Variants in NIN observed in about 807,000 individuals in gnomAD.
NIN encodes glycogen synthase kinase 3 beta-interacting protein.
NIN carries 137 observed loss-of-function variants against 257.6 expected under a neutral mutation model. The ratio of observed to expected loss-of-function variants is 0.53; its 90% CI spans 0.46 to 0.61. The LOEUF is 0.61. Ranked by LOEUF, NIN falls within the 20% of genes least tolerant of loss-of-function variation. The pLI is 0.00. For missense variants in NIN, 2,439 were observed against 2,501.2 expected, an observed-to-expected ratio of 0.98 and a Z score of 0.53; for synonymous variants, 918 against 919.8, an observed-to-expected ratio of 1.00 and a Z score of 0.04.
At chr14:50,745,081 T>A (rs1033934815) in intron 22 of NIN, among the ~76,000 whole-genome samples, 3 of 152,180 alleles carry the variant, frequency 2.0e-5, no homozygotes, top group African/African-American at 7.2e-5. Context: ...ATGTTGTTGG[T>A]GCGAACATAC....
intron 18 of NIN, among the ~76,000 whole-genome samples, chr14:50,756,268 T>C (rs1203182776): frequency 6.6e-6 from 1 of 152,190 alleles, no homozygotes; most frequent in Non-Finnish European, 1.5e-5. Flanking sequence ...ATTGTGAACT[T>C]TCACACCCCA....
intron 29 of NIN, chr14:50,727,704 C>T (rs773092446): frequency 3.5e-6 from 5 of 1,438,440 alleles, no homozygotes; most frequent in Non-Finnish European, 4.7e-6. Flanking sequence ...GGTGCCCAAT[C>T]CTTCTGTAGG....
chr14:50,778,870 C>T, intron 5 of NIN, 66 bp from the exon 6 acceptor site: 1 of 1,525,046 alleles, frequency 6.6e-7, no homozygotes, highest in East Asian at 2.2e-5. Context: ...CCTAGCTTTT[C>T]CTAGAGCAGA....
At chr14:50,780,118 G>T (rs1015898471) in intron 5 of NIN, among the ~76,000 whole-genome samples, 4 of 152,234 alleles carry the variant, frequency 2.6e-5, no homozygotes, top group Non-Finnish European at 4.4e-5. Flanking sequence ...CTTTTGACCA[G>T]TTGCAACAAG....
chr14:50,744,153 C>T lies in NIN; in HGVS notation c.5187+90G>A, dbSNP rs1006690087. The T allele has an allele frequency of 4.3e-6, 6 of 1,407,268 alleles. No homozygotes were observed. In the African/African-American group the frequency reaches 8.6e-5, roughly 20 times the overall value. The allele number at this position is 1,407,268 out of a possible 1,614,324, so 87.2% of individuals were successfully genotyped here. A position where few individuals can be genotyped will look rare whatever the true frequency, so the allele number is the denominator to read the frequency against. On this transcript the variant is annotated intron_variant, in intron 23 of 30. Transcript: ENST00000530997. Reference sequence around the variant, plus strand: ...GACACTCTGGAACAACAGACTACCACAGGAGGCCCCTGTGCCACTGTCCAC... The same window carrying T: ...GACACTCTGGAACAACAGACTACCATAGGAGGCCCCTGTGCCACTGTCCAC...
At chr14:50,745,288 C>A (rs1250287270) in intron 22 of NIN, among the ~76,000 whole-genome samples, 1 of 152,130 alleles carries the variant, frequency 6.6e-6, no homozygotes, top group African/African-American at 2.4e-5. Context: ...TAACCCCCCA[C>A]CTTCCAGTTG....
intron 7 of NIN, among the ~76,000 whole-genome samples, 165 bp downstream of exon 7, chr14:50,776,784 C>T (rs1046719476): frequency 5.9e-5 from 9 of 152,168 alleles, no homozygotes; most frequent in East Asian, 3.8e-4. Context: ...TTTTTCACAA[C>T]ACAACAAGAG....
intron 5 of NIN, among the ~76,000 whole-genome samples, chr14:50,787,713 A>T (rs2043405744): frequency 6.6e-6 from 1 of 152,228 alleles, no homozygotes; most frequent in African/African-American, 2.4e-5. Context: ...TGAAATTGGA[A>T]GTCAAACACT....
In NIN at chr14:50,729,271, AT is replaced by A. The variant is rs1000051897; in HGVS notation, c.6078+251del. Among the ~76,000 whole-genome samples the A allele has an allele frequency of 5.4e-5, 8 of 148,542 alleles. 1 individual carries two copies. In the South Asian group the frequency reaches 1.3e-3, roughly 24 times the overall value. On this transcript the variant is annotated intron_variant, in intron 29 of 30. Transcript: ENST00000530997. ...TGTGATTTTGTTTTTTTTTTTTTTA[AT>A]TTAAGAGATGGAGTCTTGCTATGAT...
chr14:50,815,460 A>G (rs2142341677), intron 3 of NIN, among the ~76,000 whole-genome samples: 1 of 152,354 alleles, frequency 6.6e-6, no homozygotes, highest in South Asian at 2.1e-4. Flanking sequence ...AACTAGTTCA[A>G]CCATTGCGGA....
In NIN at chr14:50,771,436, A is replaced by G. The variant is rs1174206647; in HGVS notation, c.1014T>C (p.Asn338=). 2 of 1,614,190 alleles carry G rather than the reference A, an allele frequency of 1.2e-6. No individual in the cohort carries two copies. The highest frequency in any genetic ancestry group is 1.7e-6 in the Non-Finnish European group (2 of 1,180,026). ...ALDFSLDGNI[N]LTELTLALEN... is the part of the protein sequence containing the mutation. ...CAAGGGCCAGTGTTAATTCTGTCAA[A>G]TTGATGTTTCCATCGAGGCTGAAAT... Residue 338 remains asparagine (N), a synonymous_variant, in exon 10 of 31, where the codon AAT becomes AAC. Coordinates refer to ENST00000530997, the MANE Select transcript of NIN (RefSeq NM_020921.4).
At chr14:50,787,781 G>A (rs867292262) in intron 5 of NIN, among the ~76,000 whole-genome samples, 2 of 152,178 alleles carry the variant, frequency 1.3e-5, no homozygotes, top group South Asian at 2.1e-4. Flanking sequence ...ATTCTGCTTC[G>A]GGATTTCCAA....
Position 50,758,450 on chromosome 14 carries a change from A to T in NIN, c.2580T>A (p.Phe860Leu). The change falls in exon 18 of 31, where the codon TTT (phenylalanine) becomes TTA (leucine). Residue 860 changes from phenylalanine (F) to leucine (L), a missense_variant. Around this residue, in one of 3 missense-constraint regions of NIN, gnomAD observed 2,043 missense variants for 2,050.2 expected, o/e 1.00. Coordinates refer to ENST00000530997, the MANE Select transcript of NIN (RefSeq NM_020921.4). Reference sequence around the variant, plus strand: ...ACTCCTGGGTGAGCTCGTCCTTCTCAAATTCCCACTGGGATTTCTCCTCAC... The same window carrying T: ...ACTCCTGGGTGAGCTCGTCCTTCTCTAATTCCCACTGGGATTTCTCCTCAC... ...QQREEKSQWE[F>L]EKDELTQECA... 1 of 1,614,082 alleles carries T rather than the reference A, an allele frequency of 6.2e-7. No individual in the cohort carries two copies. Among genetic ancestry groups the T allele is most frequent in the Non-Finnish European group, 8.5e-7 (1 of 1,180,006 alleles).
chr14:50,754,320 T>C (rs1161151698), intron 20 of NIN, among the ~76,000 whole-genome samples: 1 of 152,212 alleles, frequency 6.6e-6, no homozygotes, highest in Non-Finnish European at 1.5e-5. Context: ...TCCTCAATTC[T>C]GCTGATGATA....
chr14:50,795,394 G>A (rs1460241082), intron 4 of NIN, among the ~76,000 whole-genome samples: 1 of 152,176 alleles, frequency 6.6e-6, no homozygotes, highest in Non-Finnish European at 1.5e-5. Flanking sequence ...GAACATTCAC[G>A]GTCAACAGCC....
In NIN at chr14:50,786,059, C is replaced by A. The variant is rs185359472; in HGVS notation, c.435+6653G>T. Among the ~76,000 whole-genome samples, 171 of 152,284 alleles carry A rather than the reference C, an allele frequency of 1.1e-3. 1 individual carries two copies. The highest frequency in any genetic ancestry group is 3.9e-3 in the African/African-American group (164 of 41,552). ...AAACGCACACACATTTAGATGAGAC[C>A]TGCTACACTGAAGGCTAAAAAAGCC... On this transcript the variant is annotated intron_variant, in intron 5 of 30. Coordinates refer to ENST00000530997, the MANE Select transcript of NIN (RefSeq NM_020921.4).
chr14:50,773,029 C>A lies in NIN; in HGVS notation c.733G>T (p.Gly245Cys). The change falls in exon 8 of 31, where the codon GGT becomes TGT. Residue 245 changes from glycine to cysteine, a missense_variant. By Grantham distance (159) the Gly-to-Cys change is radical. Around this residue, in one of 3 missense-constraint regions of NIN, gnomAD observed 387 missense variants for 427.3 expected, o/e 0.91. Transcript: ENST00000530997. ...GTMSVEDFFY[G>C]LFKNGKSLTP... ...AGAGATTTTCCATTTTTAAACAAAC[C>A]ATAGAAAAAATCTTCTACACTCATT... 4 of 1,612,512 alleles carry A rather than the reference C, an allele frequency of 2.5e-6. No individual in the cohort carries two copies. The highest frequency in any genetic ancestry group is 3.4e-6 in the Non-Finnish European group (4 of 1,178,790).
intron 3 of NIN, among the ~76,000 whole-genome samples, chr14:50,809,569 G>C (rs1412939486): frequency 2.0e-5 from 3 of 152,178 alleles, no homozygotes; most frequent in Non-Finnish European, 4.4e-5. Context: ...TTGACTCTGT[G>C]AGTCTCCCCA....
At chr14:50,743,341 CT>C in intron 24 of NIN, 74 bp downstream of exon 24, 1 of 983,372 alleles carries the variant, frequency 1.0e-6, no homozygotes, top group East Asian at 2.4e-5. Flanking sequence ...CTGGAACACT[CT>C]TTTTACCGGG....
Sources: gnomAD v4.1 joint callset for allele counts (sites outside exome capture counted in the v4.1 genomes callset) on GRCh38, gnomAD v4.1.1 for gene constraint, gnomAD v4.1.1 regional missense constraint, MANE v1.5 for transcripts, NCBI Gene and HGNC (gene_info 2026-07-23, HGNC 2026-07-21) for gene names.